The following CDKAL1 variants were observed in gnomAD, a reference collection of about 807,000 sequenced individuals.
The protein encoded by CDKAL1 is threonylcarbamoyladenosine tRNA methylthiotransferase.
In CDKAL1, 32 loss-of-function variants were observed where a neutral mutation model predicts 68.2. That is an observed-to-expected ratio of 0.47 (90% confidence interval 0.35 to 0.63). CDKAL1 has a LOEUF of 0.63. CDKAL1 is among the 30% of genes least tolerant of loss of function. The probability of loss-of-function intolerance (pLI) is 0.00; values close to 1 mark genes in which losing one functional copy is unlikely to be tolerated. For synonymous variants in CDKAL1, 234 were observed against 244.3 expected (o/e 0.96, Z 0.39); for missense variants, 606 against 696.7 (o/e 0.87, Z 1.47).
At chr6:20,599,032 T>C (rs995459241) in intron 4 of CDKAL1, among the ~76,000 whole-genome samples, 3 of 152,106 alleles carry the variant, frequency 2.0e-5, no homozygotes, top group African/African-American at 4.8e-5. Context: ...TATAATTTGA[T>C]TTTTAAAGTG....
At chr6:20,776,357 G>A (rs1207479175) in intron 7 of CDKAL1, among the ~76,000 whole-genome samples, 1 of 152,136 alleles carries the variant, frequency 6.6e-6, no homozygotes, top group Non-Finnish European at 1.5e-5. Context: ...AATCCAACAT[G>A]CCAAATGCTT....
intron 12 of CDKAL1, among the ~76,000 whole-genome samples, chr6:21,103,936 T>A (rs1163123684): frequency 6.6e-6 from 1 of 152,240 alleles, no homozygotes. Flanking sequence ...CAGCTTTTCG[T>A]TTCAGTTAAA....
intron 9 of CDKAL1, among the ~76,000 whole-genome samples, chr6:20,872,535 A>G (rs1020045490): frequency 6.6e-6 from 1 of 152,220 alleles, no homozygotes; most frequent in Non-Finnish European, 1.5e-5. Context: ...GTCTGGAGAA[A>G]TAATATGAGC....
chr6:20,773,490 G>A (rs12211178), intron 7 of CDKAL1, among the ~76,000 whole-genome samples: 15,711 of 152,198 alleles, frequency 0.1, 875 homozygotes, highest in African/African-American at 0.13. Context: ...TCAAATTGAT[G>A]TGATCAAATT....
intron 5 of CDKAL1, among the ~76,000 whole-genome samples, chr6:20,669,036 C>T (rs562459961): frequency 6.6e-6 from 1 of 152,186 alleles, no homozygotes; most frequent in Admixed American, 6.5e-5. Context: ...TATCTCTGTA[C>T]CAGTTAACTT....
intron 11 of CDKAL1, among the ~76,000 whole-genome samples, chr6:21,019,070 T>A (rs1407547843): frequency 1.3e-5 from 2 of 152,186 alleles, no homozygotes; most frequent in Non-Finnish European, 2.9e-5. Context: ...TGCCCCAGCC[T>A]CCCAAATATC....
chr6:20,831,881 C>T (rs556280206), intron 8 of CDKAL1, among the ~76,000 whole-genome samples: 17 of 152,254 alleles, frequency 1.1e-4, no homozygotes, highest in South Asian at 4.2e-4. Flanking sequence ...TTGAGTTCTT[C>T]GGCATCTTCT....
intron 4 of CDKAL1, among the ~76,000 whole-genome samples, chr6:20,626,235 A>G (rs1340271091): frequency 1.3e-5 from 2 of 152,086 alleles, no homozygotes; most frequent in Non-Finnish European, 2.9e-5. Context: ...TGCCTCATAA[A>G]TATTGGTGTT....
intron 8 of CDKAL1, among the ~76,000 whole-genome samples, chr6:20,795,737 A>G (rs1776081720): frequency 6.6e-6 from 1 of 152,232 alleles, no homozygotes; most frequent in African/African-American, 2.4e-5. Flanking sequence ...AAAAAGAAAC[A>G]TAAACAAAAA....
chr6:20,836,171 C>G (rs1264217701), intron 8 of CDKAL1, among the ~76,000 whole-genome samples: 2 of 152,134 alleles, frequency 1.3e-5, no homozygotes, highest in African/African-American at 4.8e-5. Flanking sequence ...ATTTCATTCA[C>G]TTGGACATGA....
At chr6:21,085,330 C>CTACTA (rs1310778761) in intron 12 of CDKAL1, among the ~76,000 whole-genome samples, 2 of 152,164 alleles carry the variant, frequency 1.3e-5, no homozygotes, top group African/African-American at 4.8e-5. Context: ...GAGTAAGCTT[C>CTACTA]TACTACATGC....
At chr6:21,203,157 G>A (rs777197755) in intron 15 of CDKAL1, among the ~76,000 whole-genome samples, 4 of 146,082 alleles carry the variant, frequency 2.7e-5, no homozygotes, top group South Asian at 2.1e-4. Flanking sequence ...GCAAGCAATC[G>A]TCCCACATCA....
chr6:20,760,205 C>T (rs149380426), intron 7 of CDKAL1, among the ~76,000 whole-genome samples: 4,553 of 151,986 alleles, frequency 0.03, 114 homozygotes, highest in Middle Eastern at 0.058. Flanking sequence ...GTCTCGAACT[C>T]CTGGGGTCAA....
intron 11 of CDKAL1, among the ~76,000 whole-genome samples, chr6:21,046,522 G>C (rs866285370): frequency 6.6e-6 from 1 of 152,240 alleles, no homozygotes; most frequent in Middle Eastern, 3.2e-3. Context: ...CCTGTCCCAG[G>C]CAGTGCTCAT....
intron 5 of CDKAL1, among the ~76,000 whole-genome samples, chr6:20,657,736 T>G (rs1769092475): frequency 6.6e-6 from 1 of 152,220 alleles, no homozygotes; most frequent in South Asian, 2.1e-4. Context: ...GGTTTTACAG[T>G]GTTTGTATTA....
At chr6:21,188,493 AGAGG>A (rs777808004) in intron 13 of CDKAL1, among the ~76,000 whole-genome samples, 1 of 152,224 alleles carries the variant, frequency 6.6e-6, no homozygotes, top group Non-Finnish European at 1.5e-5. Flanking sequence ...GAATAGATCA[AGAGG>A]GTGGAAGTGA....
At chr6:21,216,497 A>C (rs1779343165) in intron 15 of CDKAL1, among the ~76,000 whole-genome samples, 1 of 152,100 alleles carries the variant, frequency 6.6e-6, no homozygotes, top group African/African-American at 2.4e-5. Flanking sequence ...AGTGTGTATT[A>C]GCAACCAAGT....
chr6:21,122,197 G>GT (rs1430083231), intron 13 of CDKAL1, among the ~76,000 whole-genome samples: 1 of 152,192 alleles, frequency 6.6e-6, no homozygotes, highest in Non-Finnish European at 1.5e-5. Flanking sequence ...CAAGATTTAT[G>GT]TAAGTCCTAC....
chr6:21,028,475 C>T (rs1164826147), intron 11 of CDKAL1, among the ~76,000 whole-genome samples: 4 of 152,144 alleles, frequency 2.6e-5, no homozygotes, highest in Non-Finnish European at 5.9e-5. Flanking sequence ...GGTCTCTGTT[C>T]CTGGTTTGCA....
Sources: gnomAD v4.1 joint callset for allele counts (sites outside exome capture counted in the v4.1 genomes callset) on GRCh38, gnomAD v4.1.1 for gene constraint, MANE v1.5 for transcripts, NCBI Gene and HGNC (gene_info 2026-07-23, HGNC 2026-07-21) for gene names.